COL4A5: variants seen among roughly 807,000 people sequenced by gnomAD.
COL4A5 encodes the protein collagen alpha-5(IV) chain.
Under a neutral mutation model 130.2 loss-of-function variants are expected in COL4A5, and 26 were observed. The observed-to-expected ratio is 0.20, with a 90% CI of 0.15 to 0.28. The LOEUF is 0.28. Among genes scored for constraint, COL4A5 ranks in the 10% least tolerant of loss-of-function variants. The pLI, the probability that COL4A5 is intolerant of heterozygous loss-of-function variation, is 1.00. For missense variants in COL4A5, 1,131 were observed against 1,344.3 expected (o/e 0.84, Z 2.48); for synonymous variants, 496 against 439.6 (o/e 1.13, Z -1.60).
intron 1 of COL4A5, among the ~76,000 whole-genome samples, chrX:108,447,509 T>C (rs970419941): frequency 7.1e-5 from 8 of 112,188 alleles, no homozygotes; most frequent in East Asian, 2.8e-4. Context: ...CAAACTGTTA[T>C]GCATTGTGGT....
intron 19 of COL4A5, among the ~76,000 whole-genome samples, chrX:108,588,637 A>G (rs984203562): frequency 9.0e-6 from 1 of 111,239 alleles, no homozygotes; most frequent in African/African-American, 3.3e-5. Context: ...ATTAAAAAAC[A>G]CATGCATCAC....
chrX:108,623,305 A>G (rs2067092536), intron 33 of COL4A5, among the ~76,000 whole-genome samples: 1 of 111,958 alleles, frequency 8.9e-6, no homozygotes, highest in Non-Finnish European at 1.9e-5. Flanking sequence ...GGCAGAATAA[A>G]CAAGTATTGG....
chrX:108,680,691 C>T lies in COL4A5; in HGVS notation c.3955C>T (p.Arg1319Trp), dbSNP rs138903372. The T allele has an allele frequency of 3.7e-5, 45 of 1,207,211 alleles. No homozygotes were observed. The highest frequency in any genetic ancestry group is 2.3e-4 in the Middle Eastern group (1 of 4,279). ...TTTATTTATTCAGGGTAATCCTGGC[C>T]GGCCGGGTCTCAATGGAATGAAAGG... The part of the protein sequence containing the change: ...GPPGLQGNPG[R>W]PGLNGMKGDP... Residue 1319 changes from arginine to tryptophan, a missense_variant, in exon 45 of 53, where the codon CGG (arginine) becomes TGG (tryptophan). Coordinates refer to ENST00000328300, the MANE Select transcript of COL4A5 (RefSeq NM_033380.3).
chrX:108,639,635 C>A (rs919568896), intron 36 of COL4A5, among the ~76,000 whole-genome samples: 1 of 111,598 alleles, frequency 9.0e-6, no homozygotes, highest in African/African-American at 3.2e-5. Context: ...AATTGTATAT[C>A]TGGTAAAAGA....
intron 1 of COL4A5, among the ~76,000 whole-genome samples, chrX:108,476,501 A>G (rs1307550566): frequency 3.0e-5 from 3 of 100,621 alleles, no homozygotes; most frequent in African/African-American, 1.1e-4. Context: ...ATCAAATACT[A>G]GGCATTTTCT....
chrX:108,548,770 C>T (rs1337035573), intron 2 of COL4A5, among the ~76,000 whole-genome samples: 7 of 110,844 alleles, frequency 6.3e-5, no homozygotes, highest in Admixed American at 9.6e-5. Flanking sequence ...AACAATTATA[C>T]GAATGATGAC....
intron 18 of COL4A5, 30 bp from the exon 19 acceptor site, chrX:108,586,585 T>G (rs1791433552): frequency 1.7e-6 from 2 of 1,179,778 alleles, no homozygotes; most frequent in Admixed American, 4.5e-5. Flanking sequence ...TCTTTGCATT[T>G]CTTTATTTTT....
intron 52 of COL4A5, 158 bp downstream of exon 52, chrX:108,695,597 G>T: frequency 1.8e-6 from 1 of 570,328 alleles, no homozygotes; most frequent in Non-Finnish European, 2.8e-6. Context: ...CATGACTCAG[G>T]TCAGAAAAAC....
chrX:108,551,586 G>C (rs1382367257), intron 2 of COL4A5, among the ~76,000 whole-genome samples: 1 of 112,261 alleles, frequency 8.9e-6, no homozygotes, highest in African/African-American at 3.2e-5. Context: ...ATTTAAATTA[G>C]TTCACCCACT....
chrX:108,646,686 T>G (rs2147917119), intron 36 of COL4A5, among the ~76,000 whole-genome samples: 1 of 111,663 alleles, frequency 9.0e-6, no homozygotes, highest in Non-Finnish European at 1.9e-5. Context: ...ATTGCCTAGG[T>G]TTTCTTCTAG....
chrX:108,651,209 C>T (rs2067720261), intron 36 of COL4A5, among the ~76,000 whole-genome samples: 1 of 111,091 alleles, frequency 9.0e-6, no homozygotes, highest in Non-Finnish European at 1.9e-5. Context: ...CTAATGTGTA[C>T]AGTTTCTTTT....
intron 9 of COL4A5, among the ~76,000 whole-genome samples, chrX:108,574,218 A>G (rs2066109952): frequency 9.0e-6 from 1 of 111,417 alleles, no homozygotes; most frequent in Non-Finnish European, 1.9e-5. Flanking sequence ...ATCCTTTGCC[A>G]AAAATGAAAA....
chrX:108,628,286 A>G (rs1454140225), intron 36 of COL4A5, among the ~76,000 whole-genome samples: 1 of 111,333 alleles, frequency 9.0e-6, no homozygotes, highest in Non-Finnish European at 1.9e-5. Context: ...TCACCATAGA[A>G]TAAATTCTGA....
chrX:108,601,432 G>T lies in COL4A5; in HGVS notation c.1988G>T (p.Gly663Val). 1 of 1,208,896 alleles carries T rather than the reference G, an allele frequency of 8.3e-7. No individual in the cohort carries two copies. Among genetic ancestry groups the T allele is most frequent in the East Asian group, 3.0e-5 (1 of 33,778 alleles). Residue 663 changes from glycine (G) to valine (V), a missense_variant, in exon 26 of 53, where the codon GGG (glycine) becomes GTG (valine). Gly to Val is a moderately radical substitution (Grantham distance 109). Transcript: ENST00000328300. ...GDPGQTITQP[G>V]KPGLPGNPGR... is the part of the protein sequence containing the mutation. ...CCAGGTCAGACTATAACCCAGCCGG[G>T]GAAGCCTGGCTTGCCTGGTAACCCA... is the stretch of plus-strand genomic sequence containing the variant.
intron 36 of COL4A5, among the ~76,000 whole-genome samples, chrX:108,637,310 T>TTTA (rs1442741017): frequency 9.0e-6 from 1 of 110,905 alleles, no homozygotes; most frequent in Non-Finnish European, 1.9e-5. Context: ...CAATGCTAAA[T>TTTA]GGGAAATTAA....
At chrX:108,491,946 G>C (rs758319043) in intron 1 of COL4A5, among the ~76,000 whole-genome samples, 17 of 111,662 alleles carry the variant, frequency 1.5e-4, no homozygotes, top group Non-Finnish European at 2.1e-4. Flanking sequence ...CTTCCTAGGG[G>C]TAGGGATAAA....
intron 28 of COL4A5, among the ~76,000 whole-genome samples, chrX:108,603,605 A>T (rs999096082): frequency 8.9e-6 from 1 of 112,116 alleles, no homozygotes; most frequent in African/African-American, 3.2e-5. Flanking sequence ...TTGACTCAAT[A>T]TTGATGGCTG....
At chrX:108,497,270 T>C (rs1361993277) in intron 1 of COL4A5, among the ~76,000 whole-genome samples, 1 of 112,301 alleles carries the variant, frequency 8.9e-6, no homozygotes, top group African/African-American at 3.2e-5. Flanking sequence ...GGTTTATAAG[T>C]TGATGGACAT....
chrX:108,663,938 G>A (rs182898220), intron 37 of COL4A5, among the ~76,000 whole-genome samples: 3 of 111,864 alleles, frequency 2.7e-5, no homozygotes, highest in Non-Finnish European at 5.6e-5. Flanking sequence ...TGTAATCCCA[G>A]CACTTTGTGA....
Sources: allele counts gnomAD v4.1 joint callset (sites outside exome capture counted in the v4.1 genomes callset), GRCh38; gene constraint gnomAD v4.1.1; transcripts MANE v1.5; gene names NCBI Gene and HGNC (gene_info 2026-07-23, HGNC 2026-07-21).